Variants in JAZF1 observed in about 807,000 individuals in gnomAD.
JAZF1 encodes juxtaposed with another zinc finger protein 1.
JAZF1 carries 8 observed loss-of-function variants against 26.4 expected under a neutral mutation model. The observed-to-expected ratio is 0.30, with a 90% CI of 0.18 to 0.55. The LOEUF (loss-of-function observed/expected upper bound fraction) is 0.55, where lower values mean the gene tolerates loss of function less well. Among genes scored for constraint, JAZF1 ranks in the 20% least tolerant of loss-of-function variants. The pLI is 0.94. For synonymous variants in JAZF1, 126 were observed against 122.3 expected (o/e 1.03, Z -0.20); for missense variants, 199 against 322.0 (o/e 0.62, Z 2.92).
rs556782745 is a variant in JAZF1, at chr7:28,085,109, G to A, written c.116-93128C>T. Among the ~76,000 whole-genome samples, 72 of 152,298 alleles carry A rather than the reference G, an allele frequency of 4.7e-4. 2 individuals are homozygous for A. In the South Asian group the frequency reaches 0.015, roughly 31 times the overall value. ...TTCTTTATAAATTACCCAGTATCAT[G>A]TATTCTGTTGTGTGCAACATTGTCT... On this transcript the variant is annotated intron_variant, in intron 1 of 4. Transcript: ENST00000283928.
rs909129794 is a variant in JAZF1 at position 27,851,841 on chromosome 7, T to C, written c.386-10974A>G. Reference sequence around the variant, plus strand: ...CTTTGACCTTCCTGGGTCACAAGAATCTGGTGAGACCTAAAAGACAGAGGA... The same window carrying C: ...CTTTGACCTTCCTGGGTCACAAGAACCTGGTGAGACCTAAAAGACAGAGGA... On this transcript the variant is annotated intron_variant, in intron 3 of 4. Coordinates refer to ENST00000283928, the MANE Select transcript of JAZF1 (RefSeq NM_175061.4). 4.6e-5 allele frequency among the ~76,000 whole-genome samples: 7 copies of C among 152,312 alleles called. No homozygotes were observed. The East Asian group carries it at 1.4e-3, about 29-fold the overall frequency.
At chr7:27,959,737 T>A (rs999085221) in intron 2 of JAZF1, among the ~76,000 whole-genome samples, 1 of 143,006 alleles carries the variant, frequency 7.0e-6, no homozygotes, top group Non-Finnish European at 1.6e-5. Context: ...CCATCTCTAC[T>A]AAAAATAAAA....
chr7:28,166,291 C>T (rs991622671), intron 1 of JAZF1, among the ~76,000 whole-genome samples: 1 of 152,180 alleles, frequency 6.6e-6, no homozygotes, highest in Non-Finnish European at 1.5e-5. Context: ...ATATTCTCTG[C>T]AATAAGTAAA....
intron 3 of JAZF1, chr7:27,842,802 G>A (rs1457660599): frequency 3.3e-5 from 5 of 152,174 alleles, no homozygotes; most frequent in Admixed American, 1.3e-4. Context: ...CTCCTCCAGC[G>A]GGACTTCAGA....
intron 2 of JAZF1, among the ~76,000 whole-genome samples, chr7:27,975,178 T>C (rs1056331878): frequency 1.3e-5 from 2 of 151,898 alleles, no homozygotes; most frequent in African/African-American, 4.8e-5. Flanking sequence ...AGTCACCGCG[T>C]CGGGCCAGGG....
At chr7:28,134,936 T>C (rs1219912697) in intron 1 of JAZF1, among the ~76,000 whole-genome samples, 1 of 152,176 alleles carries the variant, frequency 6.6e-6, no homozygotes, top group Non-Finnish European at 1.5e-5. Context: ...CCTAGAATTG[T>C]GCTTTATATA....
intron 1 of JAZF1, among the ~76,000 whole-genome samples, chr7:28,105,875 G>A (rs937980255): frequency 3.3e-5 from 5 of 152,084 alleles, no homozygotes; most frequent in Admixed American, 6.5e-5. Flanking sequence ...CATCAACCGT[G>A]GCTTCTTTCT....
intron 1 of JAZF1, among the ~76,000 whole-genome samples, chr7:27,995,713 G>T (rs1786001795): frequency 6.6e-6 from 1 of 152,178 alleles, no homozygotes; most frequent in Non-Finnish European, 1.5e-5. Flanking sequence ...GATTCTGAAT[G>T]CACAGCTCTA....
At chr7:27,965,539 T>C (rs182037600) in intron 2 of JAZF1, among the ~76,000 whole-genome samples, 21 of 152,310 alleles carry the variant, frequency 1.4e-4, no homozygotes, top group Admixed American at 1.4e-3. Context: ...GGCAAATGTT[T>C]CCCTGTTTTA....
At chr7:28,063,043 T>C (rs1283229869) in intron 1 of JAZF1, among the ~76,000 whole-genome samples, 1 of 152,228 alleles carries the variant, frequency 6.6e-6, no homozygotes, top group Non-Finnish European at 1.5e-5. Flanking sequence ...TAAGCTTATT[T>C]TATTCTTTGC....
chr7:28,003,958 C>T (rs988422147), intron 1 of JAZF1, among the ~76,000 whole-genome samples: 7 of 152,032 alleles, frequency 4.6e-5, no homozygotes, highest in African/African-American at 9.7e-5. Flanking sequence ...CAAATATATA[C>T]GTCAAGTATT....
At chr7:28,005,882 T>TAAA (rs11355665) in intron 1 of JAZF1, among the ~76,000 whole-genome samples, 7 of 138,048 alleles carry the variant, frequency 5.1e-5, no homozygotes, top group Admixed American at 3.6e-4. Flanking sequence ...TTCTGTTGCT[T>TAAA]AAAAAAAAAA....
intron 1 of JAZF1, among the ~76,000 whole-genome samples, chr7:28,136,686 G>A (rs917117): frequency 0.3 from 45,009 of 152,148 alleles, 7,957 homozygotes; most frequent in East Asian, 0.74. Context: ...TTGTCCTTAC[G>A]GAGTTTGTGG....
chr7:28,139,652 A>C (rs1782933935), intron 1 of JAZF1, among the ~76,000 whole-genome samples: 1 of 152,238 alleles, frequency 6.6e-6, no homozygotes, highest in Non-Finnish European at 1.5e-5. Context: ...CAGAAGTGGG[A>C]GACAATAAAT....
chr7:28,038,143 A>C (rs1282843535), intron 1 of JAZF1, among the ~76,000 whole-genome samples: 1 of 152,246 alleles, frequency 6.6e-6, no homozygotes, highest in Non-Finnish European at 1.5e-5. Flanking sequence ...AACACAATAC[A>C]AAGAACAGAG....
At chr7:27,863,041 G>A (rs1400689497) in intron 3 of JAZF1, among the ~76,000 whole-genome samples, 1 of 152,196 alleles carries the variant, frequency 6.6e-6, no homozygotes, top group East Asian at 1.9e-4. Flanking sequence ...CACCATTCCG[G>A]CCTGCCTTGG....
At chr7:27,994,441 CAAAAAAA>C (rs781162884) in intron 1 of JAZF1, among the ~76,000 whole-genome samples, 8 of 74,380 alleles carry the variant, frequency 1.1e-4, no homozygotes, top group South Asian at 7.2e-4. Context: ...CTCTCCATCA[CAAAAAAA>C]AAAAAACAAA....
At chr7:28,138,050 C>T (rs1184478217) in intron 1 of JAZF1, among the ~76,000 whole-genome samples, 5 of 152,186 alleles carry the variant, frequency 3.3e-5, no homozygotes, top group Admixed American at 1.3e-4. Flanking sequence ...TAATTACTAT[C>T]CTCTGTTCAA....
intron 1 of JAZF1, among the ~76,000 whole-genome samples, chr7:28,148,057 C>T (rs1455500254): frequency 7.0e-6 from 1 of 142,902 alleles, no homozygotes; most frequent in Non-Finnish European, 1.5e-5. Context: ...TGGTATGTCA[C>T]TTTATCACAT....
Sources: gnomAD v4.1 joint callset for allele counts (sites outside exome capture counted in the v4.1 genomes callset) on GRCh38, gnomAD v4.1.1 for gene constraint, MANE v1.5 for transcripts, NCBI Gene and HGNC (gene_info 2026-07-23, HGNC 2026-07-21) for gene names.